The following CLUAP1 variants were observed in gnomAD, a reference collection of about 807,000 sequenced individuals.
The protein encoded by CLUAP1 is clusterin-associated protein 1.
In CLUAP1, 50 loss-of-function variants were observed where a neutral mutation model predicts 55.0. That is an observed-to-expected ratio of 0.91 (90% CI 0.72 to 1.15). CLUAP1 has a LOEUF of 1.15. Among genes scored for constraint, CLUAP1 ranks in the 50% most tolerant of loss-of-function variants. CLUAP1 has a pLI of 0.00. For synonymous variants in CLUAP1, 195 were observed against 175.4 expected (o/e 1.11, Z -0.88); for missense variants, 530 against 507.6 (o/e 1.04, Z -0.42).
chr16:3,523,338 G>T (rs953838795), intron 8 of CLUAP1, 39 bp downstream of exon 8: 2 of 1,577,732 alleles, frequency 1.3e-6, no homozygotes, highest in Non-Finnish European at 1.7e-6. Flanking sequence ...ATTCCTTCTG[G>T]TGTGTTATTT....
rs2037535186 is a variant in CLUAP1 at position 3,507,680 on chromosome 16, T to TGTG, written c.220-609_220-608insGTG. ...CACTATTTTAAATCTCTTCCAGAGT[T>TGTG]TGTGTGTGTGTGTGTGTGTGTGTGT... On this transcript the variant is annotated intron_variant, in intron 3 of 11. Coordinates refer to ENST00000576634, the MANE Select transcript of CLUAP1 (RefSeq NM_015041.3). 6.3e-5 allele frequency among the ~76,000 whole-genome samples: 9 copies of TGTG among 143,084 alleles called. No individual in the cohort carries two copies. In the East Asian group the frequency reaches 8.1e-4, roughly 13 times the overall value. 93.9% of individuals were successfully genotyped at this position (143,084 alleles called of 152,430 possible).
upstream of CLUAP1, among the ~76,000 whole-genome samples, chr16:3,497,465 AT>A (rs779553709): frequency 3.5e-4 from 54 of 152,232 alleles, no homozygotes; most frequent in Non-Finnish European, 7.1e-4. Flanking sequence ...AAGACTTAAT[AT>A]TGTTAAGATA....
upstream of CLUAP1, chr16:3,496,719 A>C: frequency 1.9e-6 from 1 of 530,430 alleles, no homozygotes; most frequent in Non-Finnish European, 3.8e-6. Flanking sequence ...TCCAGGGACC[A>C]GAAGTTCGAG....
upstream of CLUAP1, among the ~76,000 whole-genome samples, chr16:3,500,461 C>T (rs2037368569): frequency 2.6e-5 from 4 of 151,462 alleles, no homozygotes; most frequent in Admixed American, 1.3e-4. Context: ...CCTCTGCCTG[C>T]CGGGTTCAAG....
At chr16:3,523,019 T>C in intron 7 of CLUAP1, 139 bp from the exon 8 acceptor site, 2 of 551,432 alleles carry the variant, frequency 3.6e-6, no homozygotes, top group South Asian at 8.4e-5. Flanking sequence ...AAAATATTTT[T>C]AAGCATTACA....
intron 4 of CLUAP1, among the ~76,000 whole-genome samples, chr16:3,511,264 G>C (rs568428326): frequency 6.6e-6 from 1 of 152,302 alleles, no homozygotes; most frequent in African/African-American, 2.4e-5. Context: ...CCAGGAGAGA[G>C]GGAGAGTGAG....
At chr16:3,527,070 A>G (rs2037958585) in intron 9 of CLUAP1, among the ~76,000 whole-genome samples, 1 of 152,208 alleles carries the variant, frequency 6.6e-6, no homozygotes, top group South Asian at 2.1e-4. Flanking sequence ...GATTCCGGGA[A>G]GGAGCTCTCT....
At chr16:3,511,489 T>C (rs2037624004) in intron 4 of CLUAP1, among the ~76,000 whole-genome samples, 1 of 152,104 alleles carries the variant, frequency 6.6e-6, no homozygotes, top group Admixed American at 6.5e-5. Flanking sequence ...TTTGCGCCTC[T>C]CCAAGCCTGT....
intron 1 of CLUAP1, 118 bp downstream of exon 1, chr16:3,501,207 G>C: frequency 9.3e-7 from 1 of 1,071,390 alleles, no homozygotes; most frequent in South Asian, 1.4e-5. Context: ...CTCCTTTCGG[G>C]CCTCTGCGCC....
intron 9 of CLUAP1, among the ~76,000 whole-genome samples, chr16:3,528,446 C>T (rs1358405579): frequency 1.3e-5 from 2 of 152,174 alleles, no homozygotes; most frequent in Admixed American, 1.3e-4. Context: ...GGAAATCCTC[C>T]AGGAACAAGG....
rs189240799 is a variant in CLUAP1 at position 3,538,229 on chromosome 16, C to A, written c.*1958C>A. The A allele has an allele frequency of 1.8e-4, 28 of 151,702 alleles. 2 individuals carry two copies. In the East Asian group the frequency reaches 2.5e-3, roughly 14 times the overall value. 9.4% of individuals were successfully genotyped at this position (151,702 alleles called of 1,614,324 possible). A position where few individuals can be genotyped will look rare whatever the true frequency, so the allele number is the denominator to read the frequency against. ...AGGAGTTCACAGGTACGAAAAGATA[C>A]ACATAAATTTTAGGAACTTTTGAGT... On this transcript the variant is annotated 3_prime_UTR_variant, in exon 12 of 12. Transcript: ENST00000576634.
intron 2 of CLUAP1, 67 bp from the exon 3 acceptor site, chr16:3,506,264 C>G: frequency 7.7e-7 from 1 of 1,297,530 alleles, no homozygotes; most frequent in Non-Finnish European, 1.1e-6. Context: ...TCTCAGTTGC[C>G]CACATTCTCT....
rs115271065 is a variant in CLUAP1, at chr16:3,533,218, G to C, written c.1092+377G>C. Reference sequence around the variant, plus strand: ...CTGTCAGCCCTCCCGGGGCCAGCCAGGGGCCTCTCCCTAGGAGTGATGCTT... The same window carrying C: ...CTGTCAGCCCTCCCGGGGCCAGCCACGGGCCTCTCCCTAGGAGTGATGCTT... On this transcript the variant is annotated intron_variant, in intron 11 of 11. Coordinates refer to ENST00000576634, the MANE Select transcript of CLUAP1 (RefSeq NM_015041.3). The C allele has an allele frequency of 5.4e-3, 7,142 of 1,331,310 alleles. 144 individuals are homozygous for C. In the African/African-American group the frequency reaches 0.054, roughly 10 times the overall value. The allele number at this position is 1,331,310 out of a possible 1,614,324, so 82.5% of individuals were successfully genotyped here. A position where few individuals can be genotyped will look rare whatever the true frequency, so the allele number is the denominator to read the frequency against.
chr16:3,498,754 G>A (rs2037337875), upstream of CLUAP1, among the ~76,000 whole-genome samples: 1 of 152,248 alleles, frequency 6.6e-6, no homozygotes, highest in Admixed American at 6.5e-5. Context: ...CAGCTACTTG[G>A]GAGGCCGAGG....
chr16:3,505,142 G>C (rs1351123439), intron 2 of CLUAP1, among the ~76,000 whole-genome samples: 1 of 152,196 alleles, frequency 6.6e-6, no homozygotes, highest in Non-Finnish European at 1.5e-5. Context: ...AGGAGGCTGA[G>C]GCAGGAGGAT....
In CLUAP1 at chr16:3,536,571, G is replaced by T; in HGVS notation, c.*300G>T. The T allele has an allele frequency of 4.1e-6, 1 of 243,132 alleles. No homozygotes were observed. Among genetic ancestry groups the T allele is most frequent in the Non-Finnish European group, 8.0e-6 (1 of 125,118 alleles). 15.1% of individuals were successfully genotyped at this position (243,132 alleles called of 1,614,324 possible). On this transcript the variant is annotated 3_prime_UTR_variant, in exon 12 of 12. Coordinates refer to ENST00000576634, the MANE Select transcript of CLUAP1 (RefSeq NM_015041.3). Reference sequence around the variant, plus strand: ...GACAAAAACTCAAGAAGAAATAAGAGCTGACGCCACACAAGTCTTGGCTGC... The same window carrying T: ...GACAAAAACTCAAGAAGAAATAAGATCTGACGCCACACAAGTCTTGGCTGC...
At chr16:3,528,771 G>A (rs139273743) in intron 9 of CLUAP1, among the ~76,000 whole-genome samples, 2 of 152,300 alleles carry the variant, frequency 1.3e-5, no homozygotes, top group East Asian at 3.9e-4. Flanking sequence ...TGTATATGGT[G>A]TGAGACAGGG....
intron 9 of CLUAP1, among the ~76,000 whole-genome samples, chr16:3,530,106 G>A (rs1567440764): frequency 6.6e-6 from 1 of 150,896 alleles, no homozygotes; most frequent in Non-Finnish European, 1.5e-5. Flanking sequence ...CAAAGAGAGG[G>A]CGAGAGAGAG....
chr16:3,523,419 G>T (rs2037878303), intron 8 of CLUAP1, 120 bp downstream of exon 8: 9 of 1,196,544 alleles, frequency 7.5e-6, no homozygotes, highest in Middle Eastern at 2.1e-4. Flanking sequence ...TTTCTCCCTG[G>T]TCAGTCTGAG....
Sources: allele counts gnomAD v4.1 joint callset (sites outside exome capture counted in the v4.1 genomes callset), GRCh38; gene constraint gnomAD v4.1.1; transcripts MANE v1.5; gene names NCBI Gene and HGNC (gene_info 2026-07-23, HGNC 2026-07-21).